The following TULP3 variants were observed in gnomAD, a reference collection of about 807,000 sequenced individuals.
TULP3 encodes the protein TUB like protein 3, also known as tubby-related protein 3.
A neutral mutation model predicts 50.7 loss-of-function variants in TULP3; 38 were observed. The ratio of observed to expected loss-of-function variants is 0.75; its 90% CI spans 0.58 to 0.98. The LOEUF (loss-of-function observed/expected upper bound fraction) is 0.98. Among genes scored for constraint, TULP3 ranks in the 50% least tolerant of loss-of-function variants. TULP3 has a pLI of 0.00. For missense variants in TULP3, 550 were observed against 568.0 expected, an observed-to-expected ratio of 0.97 and a Z score of 0.32; for synonymous variants, 183 against 196.6, an observed-to-expected ratio of 0.93 and a Z score of 0.58.
At position 2,937,710 on chromosome 12, in the gene TULP3, TC is replaced by T; in HGVS notation, c.1008del (p.Tyr337IlefsTer52). 3 of 1,611,188 alleles carry T rather than the reference TC, an allele frequency of 1.9e-6. No homozygotes were observed. The highest frequency in any genetic ancestry group is 2.5e-6 in the Non-Finnish European group (3 of 1,179,330). ...GGAATGACACTGAATCATAAGCAGATCCCCTATCAGCCACAAAACGTGAGTA... is the reference window on the plus strand; with the variant it reads ...GGAATGACACTGAATCATAAGCAGATCCCTATCAGCCACAAAACGTGAGTA... ...IPGMTLNHKQIPYQPQNNHDS... is the reference protein window; with the variant it reads ...IPGMTLNHKQXPYQPQNNHDS... On this transcript the variant is annotated frameshift_variant, in exon 9 of 11. Transcript: ENST00000448120. LOFTEE classifies it high-confidence loss of function.
chr12:2,891,868 A>G (rs747056240), intron 1 of TULP3, among the ~76,000 whole-genome samples: 1 of 152,116 alleles, frequency 6.6e-6, no homozygotes, highest in African/African-American at 2.4e-5. Context: ...AGCCTGGACA[A>G]GATAGCGAGA....
Position 2,909,520 on chromosome 12 carries a change from T to G in TULP3, c.42-9T>G. 6.3e-7 allele frequency: 1 copy of G among 1,575,478 alleles called. No individual in the cohort carries two copies. The highest frequency in any genetic ancestry group is 1.2e-5 in the South Asian group (1 of 84,504). The stretch of plus-strand genomic sequence containing the variant: ...TATATACTTGCTTTATTTTTTTTTT[T>G]TTTAACAGTGTCTTCCATGAAGAAA... On this transcript the variant is annotated splice_polypyrimidine_tract_variant and intron_variant, in intron 1 of 10. Transcript: ENST00000448120.
intron 1 of TULP3, among the ~76,000 whole-genome samples, chr12:2,896,666 T>C (rs1046674787): frequency 2.0e-5 from 3 of 152,184 alleles, no homozygotes; most frequent in Admixed American, 6.5e-5. Flanking sequence ...ATAAAATTAT[T>C]GCTATTTAGC....
At position 2,894,677 on chromosome 12, in the gene TULP3, C is replaced by T. The variant is rs144585419; in HGVS notation, c.41+3689C>T. On this transcript the variant is annotated intron_variant, in intron 1 of 10. Coordinates refer to ENST00000448120, the MANE Select transcript of TULP3 (RefSeq NM_003324.5). ...TTGGGAGGCGGAGGTGGGCAGATCA[C>T]GAGGTCAGGAGTTCAAGACCAGCCC... Among the ~76,000 whole-genome samples, 102 of 151,972 alleles carry T rather than the reference C, an allele frequency of 6.7e-4. 2 individuals are homozygous for T. In the East Asian group the frequency reaches 0.018, roughly 27 times the overall value.
In TULP3 at chr12:2,940,810, C is replaced by G; in HGVS notation, c.*1366C>G. 9 of 1,270,518 alleles carry G rather than the reference C, an allele frequency of 7.1e-6. No homozygotes were observed. The highest frequency in any genetic ancestry group is 9.7e-6 in the Non-Finnish European group (9 of 923,228). 78.7% of individuals were successfully genotyped at this position (1,270,518 alleles called of 1,614,324 possible). A position where few individuals can be genotyped will look rare whatever the true frequency, so the allele number is the denominator to read the frequency against. On this transcript the variant is annotated 3_prime_UTR_variant, in exon 11 of 11. Transcript: ENST00000448120. ...CTGCTGGGTGAGGACGAGACTGTTT[C>G]CATCTCAGGCATGTATCCCACCAAG... is the stretch of plus-strand genomic sequence containing the variant.
intron 2 of TULP3, among the ~76,000 whole-genome samples, chr12:2,915,412 C>T (rs539154699): frequency 2.0e-5 from 3 of 152,280 alleles, no homozygotes; most frequent in South Asian, 2.1e-4. Flanking sequence ...AGCCAAGTTG[C>T]TCATCTATTT....
At chr12:2,938,780 C>T (rs983951469) in intron 10 of TULP3, among the ~76,000 whole-genome samples, 1 of 151,530 alleles carries the variant, frequency 6.6e-6, no homozygotes, top group African/African-American at 2.4e-5. Context: ...GAACCTGTCT[C>T]AGAAAAAAAT....
Position 2,922,244 on chromosome 12 carries a change from T to G in TULP3, c.254-18T>G. On this transcript the variant is annotated intron_variant, in intron 3 of 10. Transcript: ENST00000448120. ...TACTTTGCTCCTTTTTTAAAATTCA[T>G]TTTATTTTGGCCCTTAGGTATTGAT... The G allele has an allele frequency of 6.2e-7, 1 of 1,602,296 alleles. No individual in the cohort carries two copies. The highest frequency in any genetic ancestry group is 8.5e-7 in the Non-Finnish European group (1 of 1,177,010).
intron 1 of TULP3, among the ~76,000 whole-genome samples, chr12:2,895,593 T>C (rs1318576641): frequency 6.6e-6 from 1 of 152,250 alleles, no homozygotes; most frequent in Non-Finnish European, 1.5e-5. Flanking sequence ...TATTTGTCAA[T>C]TGAGTTAGGA....
chr12:2,931,080 A>G lies in TULP3; in HGVS notation c.536A>G (p.Asp179Gly). The change falls in exon 6 of 11, where the codon GAT (aspartate) becomes GGT (glycine). Residue 179 changes from aspartate (D) to glycine (G), a missense_variant. Coordinates refer to ENST00000448120, the MANE Select transcript of TULP3 (RefSeq NM_003324.5). ...TCTGCTACTGCCGCCCAACCAGCTGATAACCTCCTGGGAGACATAGACGAC... is the reference window on the plus strand; with the variant it reads ...TCTGCTACTGCCGCCCAACCAGCTGGTAACCTCCTGGGAGACATAGACGAC... ...SGSATAAQPADNLLGDIDDLE... is the reference protein window; with the variant it reads ...SGSATAAQPAGNLLGDIDDLE... 6.2e-7 allele frequency: 1 copy of G among 1,614,134 alleles called. No individual in the cohort carries two copies. Among genetic ancestry groups the G allele is most frequent in the Admixed American group, 1.7e-5 (1 of 59,994 alleles).
At position 2,940,084 on chromosome 12, in the gene TULP3, G is replaced by A. The variant is rs1009442392; in HGVS notation, c.*640G>A. On this transcript the variant is annotated 3_prime_UTR_variant, in exon 11 of 11. Coordinates refer to ENST00000448120, the MANE Select transcript of TULP3 (RefSeq NM_003324.5). ...TGATCACATTTGTGATCAATTATGT[G>A]AGAATTTTATATAATTGTCTTCATT... 7.8e-7 allele frequency: 1 copy of A among 1,289,588 alleles called. No individual in the cohort carries two copies. The highest frequency in any genetic ancestry group is 1.0e-6 in the Non-Finnish European group (1 of 989,066). 79.9% of individuals were successfully genotyped at this position (1,289,588 alleles called of 1,614,324 possible).
intron 1 of TULP3, among the ~76,000 whole-genome samples, chr12:2,896,977 C>T (rs1433739329): frequency 6.6e-6 from 1 of 152,150 alleles, no homozygotes; most frequent in Non-Finnish European, 1.5e-5. Flanking sequence ...AGTGACAACA[C>T]ATTTTAACAA....
chr12:2,916,073 G>A (rs577910919), intron 2 of TULP3, among the ~76,000 whole-genome samples: 5 of 151,886 alleles, frequency 3.3e-5, no homozygotes, highest in East Asian at 3.9e-4. Flanking sequence ...GCAATGGCGC[G>A]ATCTTGGCTC....
chr12:2,931,024 G>T lies in TULP3; in HGVS notation c.493-13G>T, dbSNP rs771689440. ...CTCGGCCTGTTGTTGCTCATGTATG[G>T]CTGTCCTTTCAGGATACAGGCACTT... On this transcript the variant is annotated splice_polypyrimidine_tract_variant and intron_variant, in intron 5 of 10. Transcript: ENST00000448120. 6 of 1,613,830 alleles carry T rather than the reference G, an allele frequency of 3.7e-6. No individual in the cohort carries two copies. In the Admixed American group the frequency reaches 1.0e-4, roughly 27 times the overall value.
At chr12:2,922,539 T>C in intron 4 of TULP3, 137 bp downstream of exon 4, 1 of 1,043,478 alleles carries the variant, frequency 9.6e-7, no homozygotes, top group South Asian at 1.8e-5. Flanking sequence ...TGACAGTGTT[T>C]AGCATCTTTT....
intron 1 of TULP3, 103 bp downstream of exon 1, chr12:2,891,091 G>C: frequency 7.5e-7 from 1 of 1,328,212 alleles, no homozygotes. Context: ...GGCGGGACTC[G>C]GGACTTGGCG....
chr12:2,924,097 C>T (rs1241801276), intron 4 of TULP3, among the ~76,000 whole-genome samples: 3 of 152,164 alleles, frequency 2.0e-5, no homozygotes, highest in Admixed American at 6.5e-5. Flanking sequence ...CCTCATGGAG[C>T]GCTTATTCTA....
chr12:2,914,523 C>T lies in TULP3; in HGVS notation c.93+4943C>T, dbSNP rs180990794. Among the ~76,000 whole-genome samples, 218 of 152,312 alleles carry T rather than the reference C, an allele frequency of 1.4e-3. 2 individuals carry two copies. The highest frequency in any genetic ancestry group is 2.2e-3 in the African/African-American group (93 of 41,574). On this transcript the variant is annotated intron_variant, in intron 2 of 10. Transcript: ENST00000448120. Reference sequence around the variant, plus strand: ...TGTTTGAATTAATTGCTGTGTATAGCGTGAAACAGAGATTCAGCTTCATTC... The same window carrying T: ...TGTTTGAATTAATTGCTGTGTATAGTGTGAAACAGAGATTCAGCTTCATTC...
intron 2 of TULP3, among the ~76,000 whole-genome samples, chr12:2,915,074 T>C (rs2098187862): frequency 6.6e-6 from 1 of 151,998 alleles, no homozygotes; most frequent in African/African-American, 2.4e-5. Context: ...CTGCAACCTC[T>C]GCCTCTCGGG....
Sources: gnomAD v4.1 joint callset for allele counts (sites outside exome capture counted in the v4.1 genomes callset) on GRCh38, gnomAD v4.1.1 for gene constraint, MANE v1.5 for transcripts, NCBI Gene and HGNC (gene_info 2026-07-23, HGNC 2026-07-21) for gene names.